The following ADGB variants were observed in gnomAD, a reference collection of about 807,000 sequenced individuals.
The protein encoded by ADGB is androglobin.
Under a neutral mutation model 210.5 loss-of-function variants are expected in ADGB, and 172 were observed. The observed-to-expected ratio is 0.82, with a 90% CI of 0.72 to 0.93. The LOEUF is 0.93. Ranked by LOEUF, ADGB falls within the 40% of genes least tolerant of loss-of-function variation. The pLI is 0.00. For missense variants in ADGB, 2,025 were observed against 1,964.8 expected (o/e 1.03, Z -0.58); for synonymous variants, 658 against 662.7 (o/e 0.99, Z 0.11).
intron 3 of ADGB, 52 bp downstream of exon 3, chr6:146,644,917 C>T: frequency 2.7e-6 from 3 of 1,110,216 alleles, no homozygotes; most frequent in Non-Finnish European, 3.7e-6. Flanking sequence ...GATGTATTAT[C>T]CTACTGATAA....
chr6:146,622,666 G>A (rs567572421), intron 1 of ADGB, among the ~76,000 whole-genome samples: 14 of 152,094 alleles, frequency 9.2e-5, no homozygotes, highest in African/African-American at 3.1e-4. Context: ...TTTTCTCTCA[G>A]TTTGTGGCAG....
At chr6:146,712,482 A>C (rs7751917) in intron 13 of ADGB, among the ~76,000 whole-genome samples, 81,820 of 151,462 alleles carry the variant, frequency 0.54, 22,910 homozygotes, top group African/African-American at 0.68. Context: ...CCACCATGCC[A>C]GGCCCTGGGT....
chr6:146,774,727 C>T (rs538154236), intron 29 of ADGB, among the ~76,000 whole-genome samples: 1 of 152,276 alleles, frequency 6.6e-6, no homozygotes, highest in Non-Finnish European at 1.5e-5. Flanking sequence ...TCTACCTGCT[C>T]TGATTTGAAG....
At chr6:146,796,148 A>G (rs1778037457) in intron 33 of ADGB, among the ~76,000 whole-genome samples, 1 of 152,174 alleles carries the variant, frequency 6.6e-6, no homozygotes, top group South Asian at 2.1e-4. Flanking sequence ...AGGAGGTGAA[A>G]GAGCTCTAAA....
At position 146,810,544 on chromosome 6, in the gene ADGB, G is replaced by C. The variant is rs1261666635; in HGVS notation, c.4819-4488G>C. On this transcript the variant is annotated intron_variant, in intron 35 of 35. Transcript: ENST00000397944. ...TATTTACAATAGTGATATGGAAACA[G>C]CCTAAGTGTCCATCAATGGATGAAT... is the stretch of plus-strand genomic sequence containing the variant. Among the ~76,000 whole-genome samples, 23 of 151,966 alleles carry C rather than the reference G, an allele frequency of 1.5e-4. No individual in the cohort carries two copies. In the East Asian group the frequency reaches 4.2e-3, roughly 28 times the overall value.
intron 13 of ADGB, among the ~76,000 whole-genome samples, chr6:146,709,483 A>T (rs1776626403): frequency 1.3e-5 from 2 of 151,928 alleles, no homozygotes; most frequent in African/African-American, 4.8e-5. Flanking sequence ...CAGGTGGGCA[A>T]CCCTGGCACT....
intron 2 of ADGB, among the ~76,000 whole-genome samples, chr6:146,641,524 C>T (rs1046988651): frequency 6.6e-6 from 1 of 150,966 alleles, no homozygotes; most frequent in African/African-American, 2.4e-5. Flanking sequence ...GCTATAGTAA[C>T]CAAAGCAGCA....
At chr6:146,807,678 C>A (rs1158381154) in intron 35 of ADGB, 15 of 984,100 alleles carry the variant, frequency 1.5e-5, no homozygotes, top group South Asian at 1.4e-4. Context: ...ATTGGGCCAA[C>A]TGAAAATAGA....
rs879907186 is a variant in ADGB at position 146,662,326 on chromosome 6, G to A, written c.613-1875G>A. The stretch of plus-strand genomic sequence containing the variant: ...GGTCCCTGAGCCTTATATGATTGTT[G>A]ATACTATATTTTCCTGTTATTCGTA... On this transcript the variant is annotated intron_variant, in intron 5 of 35. Coordinates refer to ENST00000397944, the MANE Select transcript of ADGB (RefSeq NM_024694.4). Among the ~76,000 whole-genome samples, 8 of 151,864 alleles carry A rather than the reference G, an allele frequency of 5.3e-5. No individual in the cohort carries two copies. The South Asian group carries it at 6.2e-4, about 12-fold the overall frequency.
intron 2 of ADGB, among the ~76,000 whole-genome samples, chr6:146,642,530 T>C (rs1309100034): frequency 6.6e-6 from 1 of 151,972 alleles, no homozygotes; most frequent in Non-Finnish European, 1.5e-5. Context: ...GTGGTACATA[T>C]ACACTATGGA....
chr6:146,713,046 T>C (rs1776682055), intron 13 of ADGB, among the ~76,000 whole-genome samples: 3 of 152,216 alleles, frequency 2.0e-5, no homozygotes, highest in African/African-American at 7.2e-5. Flanking sequence ...TGGCATAATG[T>C]TAATGTTCTC....
intron 2 of ADGB, among the ~76,000 whole-genome samples, chr6:146,642,209 G>A (rs892557040): frequency 3.3e-5 from 5 of 151,706 alleles, no homozygotes; most frequent in African/African-American, 4.8e-5. Flanking sequence ...TATCAGAATG[G>A]GTATTATTAA....
chr6:146,733,865 A>G, intron 21 of ADGB, 28 bp from the exon 22 acceptor site: 1 of 1,550,940 alleles, frequency 6.4e-7, no homozygotes, highest in Non-Finnish European at 8.7e-7. Flanking sequence ...TATAACTTTC[A>G]GTCCAAAGTT....
chr6:146,607,873 G>T (rs977952236), intron 1 of ADGB, among the ~76,000 whole-genome samples: 48 of 152,002 alleles, frequency 3.2e-4, no homozygotes, highest in African/African-American at 1.2e-3. Flanking sequence ...TTTTTACATT[G>T]TGTCTCTACC....
chr6:146,619,098 T>A (rs1247348398), intron 1 of ADGB, among the ~76,000 whole-genome samples: 1 of 152,066 alleles, frequency 6.6e-6, no homozygotes, highest in African/African-American at 2.4e-5. Context: ...CCCTTTATCA[T>A]TATGTAATAA....
chr6:146,775,633 A>G (rs1403116968), intron 29 of ADGB, among the ~76,000 whole-genome samples: 1 of 152,156 alleles, frequency 6.6e-6, no homozygotes, highest in African/African-American at 2.4e-5. Flanking sequence ...AAAAACAAAT[A>G]TAAATTTGTC....
chr6:146,740,315 C>CA, intron 23 of ADGB, 144 bp from the exon 24 acceptor site: 1 of 718,944 alleles, frequency 1.4e-6, no homozygotes. Context: ...AGGGACTACA[C>CA]AGACCCCCTT....
chr6:146,661,235 T>C (rs1390295160), intron 5 of ADGB, among the ~76,000 whole-genome samples: 1 of 148,520 alleles, frequency 6.7e-6, no homozygotes, highest in Non-Finnish European at 1.5e-5. Context: ...TTTTTTTTTT[T>C]TTGGAGATAG....
At chr6:146,812,602 A>C (rs1420228476) in intron 35 of ADGB, among the ~76,000 whole-genome samples, 5 of 152,238 alleles carry the variant, frequency 3.3e-5, no homozygotes, top group African/African-American at 1.2e-4. Context: ...AGAATCAACC[A>C]TGCAGACATC....
Sources: allele counts gnomAD v4.1 joint callset (sites outside exome capture counted in the v4.1 genomes callset), GRCh38; gene constraint gnomAD v4.1.1; transcripts MANE v1.5; gene names NCBI Gene and HGNC (gene_info 2026-07-23, HGNC 2026-07-21).